The following SIRT5 variants were observed in gnomAD, a reference collection of about 807,000 sequenced individuals.
SIRT5 encodes the protein sirtuin 5, also known as NAD-dependent protein deacylase sirtuin-5, mitochondrial.
In SIRT5, 26 loss-of-function variants were observed where a neutral mutation model predicts 40.0. The ratio of observed to expected loss-of-function variants is 0.65; its 90% CI spans 0.48 to 0.90. SIRT5 has a LOEUF of 0.90. Among genes scored for constraint, SIRT5 ranks in the 40% least tolerant of loss-of-function variants. SIRT5 has a pLI of 0.00. For missense variants in SIRT5, 401 were observed against 402.4 expected (o/e 1.00, Z 0.03); for synonymous variants, 146 against 149.1 (o/e 0.98, Z 0.15).
In SIRT5 at chr6:13,611,774, G is replaced by C; in HGVS notation, c.858-16G>C. 6.3e-7 allele frequency: 1 copy of C among 1,593,252 alleles called. No individual in the cohort carries two copies. Among genetic ancestry groups the C allele is most frequent in the Non-Finnish European group, 8.6e-7 (1 of 1,161,086 alleles). The stretch of plus-strand genomic sequence containing the variant: ...CCTGTAGTTCAAAACTGCTGTATTT[G>C]CTTCTTCTCTTTCAGGTTTCATTTC... On this transcript the variant is annotated splice_polypyrimidine_tract_variant and intron_variant, in intron 9 of 9. Coordinates refer to ENST00000606117, the MANE Select transcript of SIRT5 (RefSeq NM_012241.5).
In SIRT5 at chr6:13,586,610, C is replaced by T. The variant is rs528012329; in HGVS notation, c.116-1721C>T. Among the ~76,000 whole-genome samples, 4 of 152,238 alleles carry T rather than the reference C, an allele frequency of 2.6e-5. No individual in the cohort carries two copies. The South Asian group carries it at 8.3e-4, about 32-fold the overall frequency. On this transcript the variant is annotated intron_variant, in intron 3 of 9. Coordinates refer to ENST00000606117, the MANE Select transcript of SIRT5 (RefSeq NM_012241.5). The stretch of plus-strand genomic sequence containing the variant: ...TTCCACCGTGACTGTCTTAATTTCT[C>T]TCAGCCTTGTGCTGCCAAAACATGA...
At chr6:13,583,854 CTA>C (rs888895283) in intron 2 of SIRT5, among the ~76,000 whole-genome samples, 5 of 152,126 alleles carry the variant, frequency 3.3e-5, no homozygotes, top group African/African-American at 1.2e-4. Context: ...CTCTGCACCT[CTA>C]GGAGCACTTG....
At chr6:13,611,317 G>T (rs1763892340) in intron 9 of SIRT5, among the ~76,000 whole-genome samples, 2 of 145,416 alleles carry the variant, frequency 1.4e-5, no homozygotes, top group Admixed American at 1.4e-4. Context: ...TATATAACAT[G>T]CCAAACATAC....
chr6:13,609,934 A>G (rs1763614727), intron 9 of SIRT5, among the ~76,000 whole-genome samples: 1 of 152,146 alleles, frequency 6.6e-6, no homozygotes, highest in South Asian at 2.1e-4. Context: ...AAGTACTGAA[A>G]GACCTGGGCC....
intron 1 of SIRT5, among the ~76,000 whole-genome samples, chr6:13,577,064 T>C (rs112360205): frequency 3.6e-4 from 55 of 152,356 alleles, no homozygotes; most frequent in African/African-American, 1.3e-3. Context: ...CCCTATAATA[T>C]ATTTTGAGAT....
rs1456438664 is a variant in SIRT5, at chr6:13,607,393, TAC to T, written c.858-4394_858-4393del. Among the ~76,000 whole-genome samples the T allele has an allele frequency of 6.6e-6, 1 of 152,126 alleles. No individual in the cohort carries two copies. Among genetic ancestry groups the T allele is most frequent in the Non-Finnish European group, 1.5e-5 (1 of 68,014 alleles). On this transcript the variant is annotated intron_variant, in intron 9 of 9. Transcript: ENST00000606117. This position sits in a 1 kb window ranked among gnomAD's most constrained non-coding sequence, Gnocchi z 4.0. ...GCAGTCTTCCCCCATCTTTTACACC[TAC>T]ACCTAATTTAACCAAATTATATTTA...
At chr6:13,591,516 CTGCCA>C (rs1760897708) in intron 4 of SIRT5, among the ~76,000 whole-genome samples, 148 bp from the exon 5 acceptor site, 1 of 152,250 alleles carries the variant, frequency 6.6e-6, no homozygotes, top group Non-Finnish European at 1.5e-5. Context: ...TGCCTGGCAT[CTGCCA>C]TGTTGTTTGA....
Position 13,615,055 on chromosome 6 carries a change from C to T in SIRT5, c.*3190C>T, listed in dbSNP as rs984261197. 2.7e-6 allele frequency: 1 copy of T among 374,466 alleles called. No homozygotes were observed. Among genetic ancestry groups the T allele is most frequent in the East Asian group, 4.4e-5 (1 of 22,758 alleles). 23.2% of individuals were successfully genotyped at this position (374,466 alleles called of 1,614,324 possible). A position where few individuals can be genotyped will look rare whatever the true frequency, so the allele number is the denominator to read the frequency against. ...ACAGCGTGAGCCGTGCCAGCCCTGT[C>T]TCGCCATCCCAGCCGAGGAGGGCAG... On this transcript the variant is annotated 3_prime_UTR_variant, in exon 10 of 10. Coordinates refer to ENST00000606117, the MANE Select transcript of SIRT5 (RefSeq NM_012241.5).
upstream of SIRT5, among the ~76,000 whole-genome samples, chr6:13,574,331 G>C (rs1453045915): frequency 6.6e-6 from 1 of 152,094 alleles, no homozygotes. Flanking sequence ...GCGCCGGGCC[G>C]GGGTCTCCGC....
At position 13,591,800 on chromosome 6, in the gene SIRT5, G is replaced by T. The variant is rs1377891121; in HGVS notation, c.381G>T (p.Arg127=). 1 of 1,614,178 alleles carries T rather than the reference G, an allele frequency of 6.2e-7. No homozygotes were observed. The highest frequency in any genetic ancestry group is 8.5e-7 in the Non-Finnish European group (1 of 1,180,014). ...GHRAIAECET[R]LGKQGRRVVV... ...GCGCCATAGCCGAGTGTGAGACCCGGCTGGGCAAGCAGGGCCGGCGAGTCG... is the reference window on the plus strand; with the variant it reads ...GCGCCATAGCCGAGTGTGAGACCCGTCTGGGCAAGCAGGGCCGGCGAGTCG... Residue 127 remains arginine, a synonymous_variant, in exon 5 of 10, where the codon CGG becomes CGT. Coordinates refer to ENST00000606117, the MANE Select transcript of SIRT5 (RefSeq NM_012241.5).
rs369490006 is a variant in SIRT5 at position 13,580,720 on chromosome 6, G to A, written c.-36+1111G>A. Among the ~76,000 whole-genome samples the A allele has an allele frequency of 7.2e-5, 11 of 152,260 alleles. No individual in the cohort carries two copies. In the East Asian group the frequency reaches 1.7e-3, roughly 24 times the overall value. On this transcript the variant is annotated intron_variant, in intron 2 of 9. Transcript: ENST00000606117. ...AGGGTCTCACTCACCCAGGCAGGGA[G>A]TCCAGTGGCACAATCATGACTCACT...
rs60663066 is a variant in SIRT5, at chr6:13,578,616, CAAAAAA to C, written c.-194-819_-194-814del. 2.8e-3 allele frequency among the ~76,000 whole-genome samples: 103 copies of C among 36,810 alleles called. 1 individual carries two copies. Among genetic ancestry groups the C allele is most frequent in the African/African-American group, 7.7e-3 (86 of 11,130 alleles). The allele number at this position is 36,810 out of a possible 152,430, so 24.1% of individuals were successfully genotyped here. Reference sequence around the variant, plus strand: ...GGGGGGACAGAGCGAGACTCCATCTCAAAAAAAAAAAAAAAAAAAAAGAAAATAATT... The same window carrying C: ...GGGGGGACAGAGCGAGACTCCATCTCAAAAAAAAAAAAAAAGAAAATAATT... On this transcript the variant is annotated intron_variant, in intron 1 of 9. Coordinates refer to ENST00000606117, the MANE Select transcript of SIRT5 (RefSeq NM_012241.5).
rs1471429352 is a variant in SIRT5, at chr6:13,613,760, A to T, written c.*1895A>T. ...CACTGGTAATACCTGTAATAGTCTT[A>T]TAGTACTTATAAAGCAGTTTTGCAC... On this transcript the variant is annotated 3_prime_UTR_variant, in exon 10 of 10. Transcript: ENST00000606117. 1 of 152,230 alleles carries T rather than the reference A, an allele frequency of 6.6e-6. No individual in the cohort carries two copies. Among genetic ancestry groups the T allele is most frequent in the Non-Finnish European group, 1.5e-5 (1 of 68,052 alleles). The allele number at this position is 152,230 out of a possible 1,614,324, so 9.4% of individuals were successfully genotyped here.
chr6:13,597,430 G>C (rs1339569745), intron 7 of SIRT5, among the ~76,000 whole-genome samples: 7 of 84,674 alleles, frequency 8.3e-5, no homozygotes, highest in Non-Finnish European at 1.3e-4. Flanking sequence ...AATGTTCATA[G>C]ATTAAAAAAA....
Position 13,600,869 on chromosome 6 carries a change from G to T in SIRT5, c.777G>T (p.Met259Ile). 1 of 1,614,110 alleles carries T rather than the reference G, an allele frequency of 6.2e-7. No homozygotes were observed. Among genetic ancestry groups the T allele is most frequent in the Non-Finnish European group, 8.5e-7 (1 of 1,179,990 alleles). ...CCTCTGTGGTGTACCCAGCAGCCAT[G>T]TTTGCCCCCCAGGTGGCTGCCAGGG... Reference protein sequence around the residue: ...GTSSVVYPAAMFAPQVAARGV... With the variant: ...GTSSVVYPAAIFAPQVAARGV... Residue 259 changes from methionine (M) to isoleucine (I), a missense_variant, in exon 9 of 10, where the codon ATG (methionine) becomes ATT (isoleucine). Coordinates refer to ENST00000606117, the MANE Select transcript of SIRT5 (RefSeq NM_012241.5).
chr6:13,594,073 A>G (rs779067999), intron 5 of SIRT5, among the ~76,000 whole-genome samples: 1 of 152,188 alleles, frequency 6.6e-6, no homozygotes, highest in Non-Finnish European at 1.5e-5. Flanking sequence ...ATCAGTGGAA[A>G]GGCTGTAGAC....
At chr6:13,604,515 T>C (rs1253558430) in intron 9 of SIRT5, 2 of 1,581,316 alleles carry the variant, frequency 1.3e-6, no homozygotes, top group Non-Finnish European at 1.7e-6. Context: ...TTATAAAGAA[T>C]TAAAACAAGT....
intron 3 of SIRT5, among the ~76,000 whole-genome samples, chr6:13,588,010 A>G (rs753989832): frequency 6.6e-6 from 1 of 152,208 alleles, no homozygotes; most frequent in South Asian, 2.1e-4. Flanking sequence ...GCTCTAGGGA[A>G]GGCACTACTG....
At chr6:13,604,702 T>TCA in intron 9 of SIRT5, 6 of 1,378,338 alleles carry the variant, frequency 4.4e-6, no homozygotes, top group Non-Finnish European at 4.7e-6. Flanking sequence ...AAACTGAACT[T>TCA]GGTGGTTTTT....
Sources: gnomAD v4.1 joint callset for allele counts (sites outside exome capture counted in the v4.1 genomes callset) on GRCh38, gnomAD v4.1.1 for gene constraint, Gnocchi (gnomAD v3.1) non-coding constraint, MANE v1.5 for transcripts, NCBI Gene and HGNC (gene_info 2026-07-23, HGNC 2026-07-21) for gene names.